The following RBFOX1 variants were observed in gnomAD, a reference collection of about 807,000 sequenced individuals.
RBFOX1 encodes RNA binding fox-1 homolog 1, also known as RNA binding protein fox-1 homolog 1.
In RBFOX1, 8 loss-of-function variants were observed where a neutral mutation model predicts 57.7. That is an observed-to-expected ratio of 0.14 (90% CI 0.08 to 0.25). RBFOX1 has a LOEUF of 0.25. Ranked by LOEUF, RBFOX1 falls within the 10% of genes least tolerant of loss-of-function variation. The pLI is 1.00. For missense variants in RBFOX1, 611 were observed against 548.5 expected, an observed-to-expected ratio of 1.11 and a Z score of -1.14; for synonymous variants, 326 against 222.4, an observed-to-expected ratio of 1.47 and a Z score of -4.15.
chr16:6,637,169 ATATATATTATAT>A lies in RBFOX1; in HGVS notation c.-63-17433_-63-17422del, dbSNP rs2098445102. Reference sequence around the variant, plus strand: ...TAATATACAATATATATTATATATTATATATATTATATAATATACAATATATATTATATATTA... The same window carrying A: ...TAATATACAATATATATTATATATTAAATATACAATATATATTATATATTA... On this transcript the variant is annotated intron_variant, in intron 2 of 15. Transcript: ENST00000550418. Among the ~76,000 whole-genome samples, 2 of 65,040 alleles carry A rather than the reference ATATATATTATAT, an allele frequency of 3.1e-5. 1 individual carries two copies. The highest frequency in any genetic ancestry group is 1.7e-4 in the African/African-American group (2 of 11,994). The allele number at this position is 65,040 out of a possible 152,430, so 42.7% of individuals were successfully genotyped here.
intron 1 of RBFOX1, among the ~76,000 whole-genome samples, chr16:6,106,088 A>G (rs1195677599): frequency 1.2e-4 from 19 of 152,214 alleles, no homozygotes. Flanking sequence ...ATGGCTCTTA[A>G]AAGTAAAATA....
intron 4 of RBFOX1, among the ~76,000 whole-genome samples, chr16:5,935,109 C>A (rs2059141907): frequency 6.6e-6 from 1 of 152,188 alleles, no homozygotes; most frequent in Admixed American, 6.5e-5. Context: ...TGAAGCTTTG[C>A]AAACCTCCTG....
intron 1 of RBFOX1, among the ~76,000 whole-genome samples, chr16:6,215,879 G>A (rs2097332791): frequency 6.6e-6 from 1 of 152,140 alleles, no homozygotes; most frequent in African/African-American, 2.4e-5. Context: ...CATGCCCACT[G>A]AAAGGATCCA....
intron 15 of RBFOX1, 134 bp from the exon 16 acceptor site, chr16:7,710,489 G>A: frequency 1.9e-6 from 3 of 1,540,648 alleles, no homozygotes; most frequent in African/African-American, 1.4e-5. Flanking sequence ...CTCCAAGAAT[G>A]ACCTGGGATG....
chr16:6,781,311 T>A (rs1304846968), intron 3 of RBFOX1, among the ~76,000 whole-genome samples: 1 of 152,172 alleles, frequency 6.6e-6, no homozygotes, highest in Non-Finnish European at 1.5e-5. Context: ...CTTTTTAATA[T>A]GTTGAATTTG....
chr16:6,389,623 G>C (rs1306097651), intron 2 of RBFOX1, among the ~76,000 whole-genome samples: 1 of 152,124 alleles, frequency 6.6e-6, no homozygotes, highest in East Asian at 1.9e-4. Flanking sequence ...TGTGAGGGTG[G>C]TGTACTAACA....
intron 4 of RBFOX1, among the ~76,000 whole-genome samples, chr16:7,347,475 C>G (rs1038730153): frequency 8.5e-5 from 13 of 152,144 alleles, no homozygotes; most frequent in African/African-American, 2.9e-4. Context: ...TCAGTCATTT[C>G]CCACCAGGTT....
intron 3 of RBFOX1, among the ~76,000 whole-genome samples, chr16:5,860,079 C>T (rs955939455): frequency 1.3e-5 from 2 of 152,218 alleles, no homozygotes; most frequent in Non-Finnish European, 2.9e-5. Flanking sequence ...GTAGTGGACA[C>T]TGTCAGCATT....
intron 10 of RBFOX1, among the ~76,000 whole-genome samples, chr16:7,609,975 G>T (rs2141386000): frequency 6.6e-6 from 1 of 151,704 alleles, no homozygotes; most frequent in Non-Finnish European, 1.5e-5. Flanking sequence ...CCGCCACCAT[G>T]CCCGGCTAAT....
At position 6,986,155 on chromosome 16, in the gene RBFOX1, A is replaced by T. The variant is rs1019480057; in HGVS notation, c.-15-65902A>T. Among the ~76,000 whole-genome samples, 789 of 121,070 alleles carry T rather than the reference A, an allele frequency of 6.5e-3. 5 individuals are homozygous for T. Among genetic ancestry groups the T allele is most frequent in the African/African-American group, 0.021 (525 of 25,478 alleles). 79.4% of individuals were successfully genotyped at this position (121,070 alleles called of 152,430 possible). A position where few individuals can be genotyped will look rare whatever the true frequency, so the allele number is the denominator to read the frequency against. ...GTAAGACTTGTACAATAACCCTTAT[A>T]TACGTCTACCAGAATCACCAATTTC... On this transcript the variant is annotated intron_variant, in intron 3 of 15. Transcript: ENST00000550418.
chr16:5,476,937 A>G (rs996466096), intron 2 of RBFOX1, among the ~76,000 whole-genome samples: 1 of 152,230 alleles, frequency 6.6e-6, no homozygotes, highest in Non-Finnish European at 1.5e-5. Context: ...GATAGCACAT[A>G]CTAAACTTTT....
At chr16:6,566,985 C>A (rs922177308) in intron 2 of RBFOX1, among the ~76,000 whole-genome samples, 2 of 152,208 alleles carry the variant, frequency 1.3e-5, no homozygotes, top group African/African-American at 4.8e-5. Context: ...CTACCTGTCC[C>A]AGCTTAAATT....
At chr16:6,552,824 T>C (rs2097017294) in intron 2 of RBFOX1, among the ~76,000 whole-genome samples, 2 of 152,042 alleles carry the variant, frequency 1.3e-5, no homozygotes, top group Non-Finnish European at 2.9e-5. Context: ...GTGTAAGATA[T>C]ATATTATAAA....
intron 3 of RBFOX1, among the ~76,000 whole-genome samples, chr16:6,717,073 T>G (rs1405037927): frequency 6.6e-6 from 1 of 152,116 alleles, no homozygotes; most frequent in East Asian, 1.9e-4. Context: ...AAACCAAGAG[T>G]TCCCTTCCCA....
chr16:5,245,979 C>G lies in RBFOX1; in HGVS notation c.219+5874C>G, dbSNP rs369608324. 5.9e-5 allele frequency among the ~76,000 whole-genome samples: 9 copies of G among 152,272 alleles called. No individual in the cohort carries two copies. The East Asian group carries it at 1.5e-3, about 26-fold the overall frequency. ...TATATTCTGGCCGGGCCCAGTGGCT[C>G]ACACCTGTAATACCAGCACTTTGGG... is the stretch of plus-strand genomic sequence containing the variant. On this transcript the variant is annotated intron_variant, in intron 1 of 2. Coordinates refer to the RBFOX1 transcript ENST00000585867.
intron 2 of RBFOX1, among the ~76,000 whole-genome samples, chr16:6,340,296 T>G (rs756480131): frequency 1.3e-5 from 2 of 152,134 alleles, no homozygotes; most frequent in Non-Finnish European, 2.9e-5. Flanking sequence ...AGCTCACTCA[T>G]GACCTAAATT....
chr16:6,874,509 TAAAAAAAAAAA>T (rs57494867), intron 3 of RBFOX1, among the ~76,000 whole-genome samples: 3 of 71,106 alleles, frequency 4.2e-5, no homozygotes, highest in South Asian at 6.5e-4. Context: ...AGACTCCATC[TAAAAAAAAAAA>T]AAAAAAAAAA....
rs1447247366 is a variant in RBFOX1 at position 7,710,911 on chromosome 16, T to TTGTTCTGTGTATTTTAA, written c.*168_*184dup. On this transcript the variant is annotated 3_prime_UTR_variant, in exon 16 of 16. Transcript: ENST00000550418. The stretch of plus-strand genomic sequence containing the variant: ...TTTTTTATCTTATACCTCAGATATT[T>TTGTTCTGTGTATTTTAA]TGTTCTGTGTATTTTAATATTGTGG... 12 of 781,638 alleles carry TTGTTCTGTGTATTTTAA rather than the reference T, an allele frequency of 1.5e-5. No individual in the cohort carries two copies. Among genetic ancestry groups the TTGTTCTGTGTATTTTAA allele is most frequent in the Non-Finnish European group, 2.1e-5 (12 of 559,528 alleles). The allele number at this position is 781,638 out of a possible 1,614,324, so 48.4% of individuals were successfully genotyped here. A position where few individuals can be genotyped will look rare whatever the true frequency, so the allele number is the denominator to read the frequency against.
intron 2 of RBFOX1, among the ~76,000 whole-genome samples, chr16:5,501,748 C>T (rs968495721): frequency 6.6e-6 from 1 of 152,126 alleles, no homozygotes; most frequent in Non-Finnish European, 1.5e-5. Context: ...AGATCTTGCT[C>T]TGTCACCCAG....
Sources: gnomAD v4.1 joint callset for allele counts (sites outside exome capture counted in the v4.1 genomes callset) on GRCh38, gnomAD v4.1.1 for gene constraint, MANE v1.5 for transcripts, NCBI Gene and HGNC (gene_info 2026-07-23, HGNC 2026-07-21) for gene names.